RANBP9: variants seen among roughly 807,000 people sequenced by gnomAD.
The protein encoded by RANBP9 is ran-binding protein 9.
A neutral mutation model predicts 84.3 loss-of-function variants in RANBP9; 15 were observed. The ratio of observed to expected loss-of-function variants is 0.18; its 90% CI spans 0.12 to 0.27. RANBP9 has a LOEUF of 0.27. Among genes scored for constraint, RANBP9 ranks in the 10% least tolerant of loss-of-function variants. The pLI is 1.00. For missense variants in RANBP9, 809 were observed against 912.8 expected (o/e 0.89, Z 1.46); for synonymous variants, 392 against 349.6 (o/e 1.12, Z -1.35).
chr6:13,657,043 T>C, intron 4 of RANBP9, 66 bp downstream of exon 4: 2 of 1,394,200 alleles, frequency 1.4e-6, no homozygotes, highest in Non-Finnish European at 1.9e-6. Context: ...TAAATACAAC[T>C]ACCATCCTGG....
chr6:13,634,835 C>T (rs1206027247), intron 10 of RANBP9, among the ~76,000 whole-genome samples: 1 of 152,160 alleles, frequency 6.6e-6, no homozygotes, highest in Non-Finnish European at 1.5e-5. Context: ...CATACTTCCA[C>T]ACAATCCTAT....
intron 2 of RANBP9, among the ~76,000 whole-genome samples, chr6:13,669,845 T>C (rs1228991878): frequency 1.3e-5 from 2 of 152,112 alleles, no homozygotes; most frequent in Non-Finnish European, 2.9e-5. Context: ...CTGTCCACCT[T>C]GGCCTCCCAA....
chr6:13,625,675 T>C lies in RANBP9; in HGVS notation c.2037A>G (p.Ser679=), dbSNP rs567798556. Residue 679 remains serine, a synonymous_variant, in exon 13 of 14, where the codon TCA becomes TCG. Coordinates refer to ENST00000011619, the MANE Select transcript of RANBP9 (RefSeq NM_005493.3). ...LDPIQREPVC[S]ALNSAILETH... is the part of the protein sequence containing the mutation. ...TACCTAATATTGCACTGTTAAGAGC[T>C]GAGCACACAGGTTCTCTCTGAATCG... The C allele has an allele frequency of 1.2e-6, 2 of 1,611,168 alleles. No homozygotes were observed. Among genetic ancestry groups the C allele is most frequent in the Non-Finnish European group, 1.7e-6 (2 of 1,177,302 alleles).
intron 10 of RANBP9, among the ~76,000 whole-genome samples, chr6:13,635,345 A>G (rs928172835): frequency 6.6e-6 from 1 of 152,224 alleles, no homozygotes; most frequent in Non-Finnish European, 1.5e-5. Context: ...CCGCACTCTT[A>G]TAAGCAACAA....
chr6:13,683,050 T>A (rs896380972), intron 2 of RANBP9, among the ~76,000 whole-genome samples: 3 of 152,350 alleles, frequency 2.0e-5, no homozygotes, highest in African/African-American at 7.2e-5. Context: ...TTCTGTACTA[T>A]ACAAATCACA....
At position 13,658,570 on chromosome 6, in the gene RANBP9, A is replaced by G. The variant is rs190580785; in HGVS notation, c.736+210T>C. On this transcript the variant is annotated intron_variant, in intron 3 of 13. Transcript: ENST00000011619. The stretch of plus-strand genomic sequence containing the variant: ...GGTTGCAGTGGGCCAAAACTGCGCC[A>G]CTGCCCTCCAACCTGGGTGACACAG... 9.6e-4 allele frequency among the ~76,000 whole-genome samples: 147 copies of G among 152,340 alleles called. 1 individual carries two copies. Among genetic ancestry groups the G allele is most frequent in the African/African-American group, 3.2e-3 (135 of 41,580 alleles).
chr6:13,634,719 A>G (rs1206794136), intron 10 of RANBP9, among the ~76,000 whole-genome samples, 167 bp from the exon 11 acceptor site: 1 of 152,250 alleles, frequency 6.6e-6, no homozygotes, highest in Non-Finnish European at 1.5e-5. Flanking sequence ...AAAGCCAAAC[A>G]TGTCGCTGAC....
At chr6:13,649,219 AATACTAC>A (rs1405398494) in intron 5 of RANBP9, among the ~76,000 whole-genome samples, 1 of 152,156 alleles carries the variant, frequency 6.6e-6, no homozygotes, top group Non-Finnish European at 1.5e-5. Context: ...AAAAATGAAA[AATACTAC>A]ACTAAAAGGA....
At chr6:13,698,147 C>T (rs947312552) in intron 1 of RANBP9, among the ~76,000 whole-genome samples, 1 of 152,052 alleles carries the variant, frequency 6.6e-6, no homozygotes, top group Non-Finnish European at 1.5e-5. Context: ...GTTCACACCC[C>T]CCACTCCCCC....
At chr6:13,710,365 G>A (rs1170836817) in intron 1 of RANBP9, among the ~76,000 whole-genome samples, 1 of 151,976 alleles carries the variant, frequency 6.6e-6, no homozygotes, top group Admixed American at 6.6e-5. Context: ...TTACCCTCCC[G>A]GTTGCTTTTA....
At chr6:13,692,830 G>A (rs1318155181) in intron 2 of RANBP9, among the ~76,000 whole-genome samples, 1 of 152,218 alleles carries the variant, frequency 6.6e-6, no homozygotes, top group Admixed American at 6.5e-5. Flanking sequence ...TCCAGCCTGG[G>A]CAACAGAGCA....
intron 3 of RANBP9, among the ~76,000 whole-genome samples, chr6:13,657,517 CT>C (rs566049373): frequency 5.2e-4 from 79 of 152,252 alleles, no homozygotes; most frequent in African/African-American, 1.8e-3. Context: ...AGAGAACCCC[CT>C]ACCAGAAAAA....
intron 1 of RANBP9, 109 bp downstream of exon 1, chr6:13,710,826 G>C (rs1344890832): frequency 2.4e-6 from 3 of 1,258,132 alleles, no homozygotes; most frequent in Non-Finnish European, 2.2e-6. Context: ...TGGCCTCCGA[G>C]GGCAGAGCCC....
At chr6:13,628,268 C>T (rs560441786) in intron 12 of RANBP9, among the ~76,000 whole-genome samples, 23 of 152,262 alleles carry the variant, frequency 1.5e-4, no homozygotes, top group Non-Finnish European at 2.5e-4. Context: ...TACAGTTCAA[C>T]ATACAGCTGT....
intron 2 of RANBP9, among the ~76,000 whole-genome samples, chr6:13,681,565 A>C (rs1330385176): frequency 3.9e-5 from 6 of 152,048 alleles, no homozygotes; most frequent in Admixed American, 3.9e-4. Context: ...CTCTCAATGT[A>C]AAAATATACT....
rs183085579 is a variant in RANBP9, at chr6:13,680,805, T to C, written c.683+15980A>G. ...GAAAACATGAGCCAGGGATTTTACA[T>C]ACAATCAAAGCTTCAAATATAATGA... is the stretch of plus-strand genomic sequence containing the variant. On this transcript the variant is annotated intron_variant, in intron 2 of 13. Transcript: ENST00000011619. Among the ~76,000 whole-genome samples the C allele has an allele frequency of 4.6e-5, 7 of 150,878 alleles. No homozygotes were observed. The East Asian group carries it at 1.2e-3, about 25-fold the overall frequency.
intron 2 of RANBP9, among the ~76,000 whole-genome samples, chr6:13,681,248 G>C (rs1584939615): frequency 1.3e-5 from 2 of 152,120 alleles, no homozygotes; most frequent in East Asian, 3.8e-4. Flanking sequence ...ATCAGTGGTT[G>C]TGAGGAGTTG....
At chr6:13,658,698 A>C in intron 3 of RANBP9, 82 bp downstream of exon 3, 1 of 1,130,150 alleles carries the variant, frequency 8.8e-7, no homozygotes, top group Non-Finnish European at 1.3e-6. Flanking sequence ...GTATCTTTAA[A>C]TATTACAATT....
chr6:13,627,520 C>T (rs1764642897), intron 12 of RANBP9, among the ~76,000 whole-genome samples: 1 of 150,828 alleles, frequency 6.6e-6, no homozygotes, highest in South Asian at 2.1e-4. Flanking sequence ...ATCTCAGCTA[C>T]TCGGGAGGCT....
Sources: gnomAD v4.1 joint callset for allele counts (sites outside exome capture counted in the v4.1 genomes callset) on GRCh38, gnomAD v4.1.1 for gene constraint, MANE v1.5 for transcripts, NCBI Gene and HGNC (gene_info 2026-07-23, HGNC 2026-07-21) for gene names.